Variants in GLYCTK observed in about 807,000 individuals in gnomAD.
GLYCTK encodes HBeAg binding protein 4.
Under a neutral mutation model 24.8 loss-of-function variants are expected in GLYCTK, and 22 were observed. The ratio of observed to expected loss-of-function variants is 0.89; its 90% CI spans 0.63 to 1.27. GLYCTK has a LOEUF of 1.27. Ranked by LOEUF, GLYCTK falls within the 50% of genes most tolerant of loss-of-function variation. GLYCTK has a pLI of 0.00. For synonymous variants in GLYCTK, 320 were observed against 297.2 expected (o/e 1.08, Z -0.79); for missense variants, 684 against 686.7 (o/e 1.00, Z 0.04).
At chr3:52,291,625 A>T in intron 3 of GLYCTK, 122 bp from the exon 4 acceptor site, 1 of 907,818 alleles carries the variant, frequency 1.1e-6, no homozygotes. Flanking sequence ...GCATATCCAC[A>T]GGGGGGCACC....
At position 52,295,112 on chromosome 3, in the gene GLYCTK, C is replaced by T. The variant is rs1309320687; in HGVS notation, c.*1986C>T. On this transcript the variant is annotated 3_prime_UTR_variant, in exon 5 of 5. Transcript: ENST00000436784. Reference sequence around the variant, plus strand: ...GGCCAAATGGTCTGTGAGCCTAACCCGTTAGATTTGCTCACTGGATACCCC... The same window carrying T: ...GGCCAAATGGTCTGTGAGCCTAACCTGTTAGATTTGCTCACTGGATACCCC... 1.5e-5 allele frequency: 7 copies of T among 453,952 alleles called. No homozygotes were observed. The highest frequency in any genetic ancestry group is 6.9e-5 in the East Asian group (1 of 14,396). 28.1% of individuals were successfully genotyped at this position (453,952 alleles called of 1,614,324 possible).
Position 52,292,707 on chromosome 3 carries a change from G to A in GLYCTK, c.1153G>A (p.Asp385Asn). The A allele has an allele frequency of 6.2e-7, 1 of 1,609,160 alleles. No homozygotes were observed. Among genetic ancestry groups the A allele is most frequent in the Non-Finnish European group, 8.5e-7 (1 of 1,176,948 alleles). ...GCTGGCAGCTGAGCTTCAGATCCCA[G>A]ACCTGCAGCTGGAGGAGGCTCTGGA... is the stretch of plus-strand genomic sequence containing the variant. ...HELAAELQIP[D>N]LQLEEALETM... Residue 385 changes from aspartate to asparagine, a missense_variant, in exon 5 of 5, where the codon GAC (aspartate) becomes AAC (asparagine). Asp to Asn is a conservative substitution (Grantham distance 23, BLOSUM62 1). Transcript: ENST00000436784.
intron 1 of GLYCTK, chr3:52,290,035 A>C (rs566893902): frequency 3.2e-4 from 149 of 468,908 alleles, no homozygotes; most frequent in African/African-American, 2.6e-3. Flanking sequence ...GGCCCAGCTA[A>C]TAGGAACTTT....
chr3:52,291,807 C>G lies in GLYCTK; in HGVS notation c.590C>G (p.Thr197Arg). Residue 197 changes from threonine to arginine, a missense_variant, in exon 4 of 5, where the codon ACA (threonine) becomes AGA (arginine). Coordinates refer to ENST00000436784, the MANE Select transcript of GLYCTK (RefSeq NM_145262.4). ...IPPVTLEEKQ[T>R]LTRLLAARGA... The stretch of plus-strand genomic sequence containing the variant: ...CCTGTCACACTGGAGGAGAAGCAGA[C>G]ACTCACTAGACTGCTGGCAGCCCGT... The G allele has an allele frequency of 6.2e-7, 1 of 1,613,898 alleles. No homozygotes were observed. Among genetic ancestry groups the G allele is most frequent in the African/African-American group, 1.3e-5 (1 of 75,064 alleles).
chr3:52,288,808 G>A (rs969869291), intron 1 of GLYCTK: 14 of 151,920 alleles, frequency 9.2e-5, no homozygotes, highest in African/African-American at 3.4e-4. Flanking sequence ...AAGTCCAATG[G>A]GCAAGCTCCA....
At position 52,292,556 on chromosome 3, in the gene GLYCTK, T is replaced by C; in HGVS notation, c.1002T>C (p.Ser334=). ...EALGYQAVVL[S]AAMQGDVKSM... ...TGGGCTACCAGGCTGTGGTGCTGAG[T>C]GCAGCCATGCAAGGTGATGTAAAAA... The change falls in exon 5 of 5, where the codon AGT becomes AGC. Residue 334 remains serine (S), a synonymous_variant. Coordinates refer to ENST00000436784, the MANE Select transcript of GLYCTK (RefSeq NM_145262.4). 1 of 1,613,950 alleles carries C rather than the reference T, an allele frequency of 6.2e-7. No individual in the cohort carries two copies. The highest frequency in any genetic ancestry group is 8.5e-7 in the Non-Finnish European group (1 of 1,180,012).
At chr3:52,290,215 C>G (rs1700416344) in intron 1 of GLYCTK, 89 bp from the exon 2 acceptor site, 9 of 1,056,518 alleles carry the variant, frequency 8.5e-6, no homozygotes, top group African/African-American at 1.6e-5. Flanking sequence ...GCTGTGGGGT[C>G]CACTGGCCCT....
In GLYCTK at chr3:52,293,170, G is replaced by T. The variant is rs1700541438; in HGVS notation, c.*44G>T. ...GGGAGTTCAGAGGAGGCCTACAAGGGCAAGGTCAGATGGCAGAGCAAGGTT... is the reference window on the plus strand; with the variant it reads ...GGGAGTTCAGAGGAGGCCTACAAGGTCAAGGTCAGATGGCAGAGCAAGGTT... On this transcript the variant is annotated 3_prime_UTR_variant, in exon 5 of 5. Coordinates refer to ENST00000436784, the MANE Select transcript of GLYCTK (RefSeq NM_145262.4). The T allele has an allele frequency of 3.1e-6, 5 of 1,608,294 alleles. No individual in the cohort carries two copies. In the East Asian group the frequency reaches 1.1e-4, roughly 36 times the overall value.
At position 52,292,799 on chromosome 3, in the gene GLYCTK, GGGCTCGGGCAGGGGT is replaced by G; in HGVS notation, c.1249_1263del (p.Ser417_Gly421del). 6.2e-7 allele frequency: 1 copy of G among 1,611,474 alleles called. No individual in the cohort carries two copies. The highest frequency in any genetic ancestry group is 2.2e-5 in the East Asian group (1 of 44,864). On this transcript the variant is annotated inframe_deletion, in exon 5 of 5. Coordinates refer to ENST00000436784, the MANE Select transcript of GLYCTK (RefSeq NM_145262.4). Reference sequence around the variant, plus strand: ...GTGGCGAGCCCACAGTACAGCTGCAGGGCTCGGGCAGGGGTGGCCGGAACCAGGAACTGGCCCTGC... The same window carrying G: ...GTGGCGAGCCCACAGTACAGCTGCAGGGCCGGAACCAGGAACTGGCCCTGC...
At chr3:52,290,066 A>G (rs1656278892) in intron 1 of GLYCTK, 1 of 529,048 alleles carries the variant, frequency 1.9e-6, no homozygotes, top group African/African-American at 1.9e-5. Flanking sequence ...CAGAGTATCC[A>G]GAGGGCCGGC....
At chr3:52,288,716 C>T (rs1005167807) in intron 1 of GLYCTK, 1 of 152,148 alleles carries the variant, frequency 6.6e-6, no homozygotes, top group Admixed American at 6.6e-5. Context: ...CTTCTAGGCT[C>T]TTGTCCATCT....
Position 52,294,765 on chromosome 3 carries a change from C to G in GLYCTK, c.*1639C>G, listed in dbSNP as rs1278764981. On this transcript the variant is annotated 3_prime_UTR_variant, in exon 5 of 5. Transcript: ENST00000436784. ...GGAGCATGAGTATTGGCACTGGGTT[C>G]CAAGTTCCAGGCAAAAGCAGGATAG... The G allele has an allele frequency of 8.9e-6, 4 of 451,864 alleles. No homozygotes were observed. The East Asian group carries it at 2.1e-4, about 24-fold the overall frequency. The allele number at this position is 451,864 out of a possible 1,614,324, so 28.0% of individuals were successfully genotyped here.
chr3:52,291,197 C>T (rs950609149), intron 3 of GLYCTK, 86 bp downstream of exon 3: 100 of 1,518,962 alleles, frequency 6.6e-5, no homozygotes, highest in South Asian at 5.4e-4. Context: ...TCTGAGCCCC[C>T]GGGGTCACAG....
At position 52,294,028 on chromosome 3, in the gene GLYCTK, A is replaced by G. The variant is rs767478630; in HGVS notation, c.*902A>G. 1 of 428,540 alleles carries G rather than the reference A, an allele frequency of 2.3e-6. No homozygotes were observed. Among genetic ancestry groups the G allele is most frequent in the Non-Finnish European group, 4.8e-6 (1 of 210,194 alleles). 26.5% of individuals were successfully genotyped at this position (428,540 alleles called of 1,614,324 possible). A position where few individuals can be genotyped will look rare whatever the true frequency, so the allele number is the denominator to read the frequency against. On this transcript the variant is annotated 3_prime_UTR_variant, in exon 5 of 5. Transcript: ENST00000436784. ...CTTCAGTGGGGGTCCCAGCACTGGG[A>G]TGGTGGGTCCAGCCAGTGATGAGGT...
rs200873445 is a variant in GLYCTK, at chr3:52,291,770, G to A, written c.553G>A (p.Ala185Thr). ...AGGTGGGGGTTCAGCTCTGCTGCCT[G>A]CCCCCATCCCACCTGTCACACTGGA... ...ISGGGSALLPAPIPPVTLEEK... is the reference protein window; with the variant it reads ...ISGGGSALLPTPIPPVTLEEK... The change falls in exon 4 of 5, where the codon GCC (alanine) becomes ACC (threonine). Residue 185 changes from alanine to threonine, a missense_variant. Transcript: ENST00000436784. 88 of 1,613,608 alleles carry A rather than the reference G, an allele frequency of 5.5e-5. No homozygotes were observed. The East Asian group carries it at 1.5e-3, about 28-fold the overall frequency.
At chr3:52,291,699 C>T in intron 3 of GLYCTK, 48 bp from the exon 4 acceptor site, 2 of 1,587,716 alleles carry the variant, frequency 1.3e-6, no homozygotes, top group African/African-American at 2.7e-5. Context: ...TGCCTGGTTC[C>T]CTGGGTTGGG....
rs146744702 is a variant in GLYCTK at position 52,292,901 on chromosome 3, T to C, written c.1347T>C (p.Gly449=). ...LGPIDVLFLS[G]GTDGQDGPTE... The stretch of plus-strand genomic sequence containing the variant: ...CGATAGATGTGCTGTTTTTGAGCGG[T>C]GGCACCGATGGGCAGGATGGGCCCA... Residue 449 remains glycine, a synonymous_variant, in exon 5 of 5, where the codon GGT becomes GGC. Transcript: ENST00000436784. The C allele has an allele frequency of 1.4e-5, 22 of 1,613,902 alleles. No individual in the cohort carries two copies. In the African/African-American group the frequency reaches 2.8e-4, roughly 21 times the overall value.
rs368685090 is a variant in GLYCTK at position 52,290,406 on chromosome 3, C to A, written c.64C>A (p.Arg22=). The stretch of plus-strand genomic sequence containing the variant: ...AGCCCCCTTGCATCCACTCCTCTGG[C>A]GGGGCTCAGTGGCCCGTCTGGCCAG... ...ARAPLHPLLW[R]GSVARLASSM... is the part of the protein sequence containing the mutation. Residue 22 remains arginine (R), a synonymous_variant, in exon 2 of 5, where the codon CGG becomes AGG. Transcript: ENST00000436784. 3.1e-6 allele frequency: 5 copies of A among 1,609,034 alleles called. No homozygotes were observed. The African/African-American group carries it at 4.0e-5, about 13-fold the overall frequency.
At position 52,292,671 on chromosome 3, in the gene GLYCTK, C is replaced by T; in HGVS notation, c.1117C>T (p.Gln373Ter). The stretch of plus-strand genomic sequence containing the variant: ...TGGGGCTTCTGTGGAGGAAGATGCA[C>T]AGCTCCATGAGCTGGCAGCTGAGCT... ...MAGASVEEDA[Q>*]LHELAAELQI... The change falls in exon 5 of 5, where the codon CAG becomes TAG. Residue 373 changes from glutamine (Q) to a stop codon, truncating the protein, a stop_gained. Transcript: ENST00000436784. LOFTEE classifies it high-confidence loss of function. The T allele has an allele frequency of 6.2e-7, 1 of 1,606,558 alleles. No homozygotes were observed. The highest frequency in any genetic ancestry group is 1.3e-5 in the African/African-American group (1 of 74,932).
Sources: allele counts gnomAD v4.1 joint callset, GRCh38; gene constraint gnomAD v4.1.1; transcripts MANE v1.5; gene names NCBI Gene and HGNC (gene_info 2026-07-23, HGNC 2026-07-21).